Variants in SUGCT observed in about 807,000 individuals in gnomAD.
SUGCT encodes succinyl-CoA:glutarate CoA-transferase.
SUGCT carries 41 observed loss-of-function variants against 55.0 expected under a neutral mutation model. The observed-to-expected ratio is 0.74, with a 90% confidence interval of 0.58 to 0.97. The LOEUF (loss-of-function observed/expected upper bound fraction) is 0.97, where lower values mean the gene tolerates loss of function less well. Ranked by LOEUF, SUGCT falls within the 50% of genes least tolerant of loss-of-function variation. The pLI, the probability that SUGCT is intolerant of heterozygous loss-of-function variation, is 0.00. For missense variants in SUGCT, 568 were observed against 547.8 expected, an observed-to-expected ratio of 1.04 and a Z score of -0.37; for synonymous variants, 187 against 200.4, an observed-to-expected ratio of 0.93 and a Z score of 0.56.
At chr7:40,956,253 G>A in the SUGCT span, among the ~76,000 whole-genome samples, 1 of 152,088 alleles carries the variant, frequency 6.6e-6, no homozygotes, top group African/African-American at 2.4e-5. Context: ...AATTTGTCTG[G>A]TCTTTGGTTT....
intron 12 of SUGCT, among the ~76,000 whole-genome samples, chr7:40,559,797 T>C (rs546633364): frequency 1.3e-5 from 2 of 152,328 alleles, no homozygotes; most frequent in South Asian, 4.1e-4. Flanking sequence ...GAAAATGCAA[T>C]AGCAACAAAA....
intron 12 of SUGCT, among the ~76,000 whole-genome samples, chr7:40,588,012 CCTGCCTCA>C (rs972696301): frequency 6.6e-6 from 1 of 151,468 alleles, no homozygotes; most frequent in Non-Finnish European, 1.5e-5. Context: ...AGGCGATTCT[CCTGCCTCA>C]GCCTTCTGAG....
At chr7:40,434,574 A>C (rs1788071204) in intron 9 of SUGCT, among the ~76,000 whole-genome samples, 1 of 152,216 alleles carries the variant, frequency 6.6e-6, no homozygotes, top group Non-Finnish European at 1.5e-5. Context: ...GAAAAGAATT[A>C]GTCATATAGT....
At chr7:40,465,942 T>C (rs972913715) in intron 11 of SUGCT, among the ~76,000 whole-genome samples, 5 of 152,196 alleles carry the variant, frequency 3.3e-5, no homozygotes, top group African/African-American at 9.6e-5. Flanking sequence ...CGTGCGGTAG[T>C]GTGATCATGG....
chr7:40,422,335 G>A (rs1787353168), intron 9 of SUGCT, among the ~76,000 whole-genome samples: 1 of 152,042 alleles, frequency 6.6e-6, no homozygotes, highest in African/African-American at 2.4e-5. Context: ...GGCAATCACT[G>A]CTAAAAGTTA....
At chr7:40,210,246 C>A (rs1333814842) in intron 6 of SUGCT, among the ~76,000 whole-genome samples, 1 of 151,712 alleles carries the variant, frequency 6.6e-6, no homozygotes, top group African/African-American at 2.4e-5. Flanking sequence ...CAGAGTTTCA[C>A]CATATTGGCC....
rs1477984824 is a variant in SUGCT at position 40,316,771 on chromosome 7, G to A, written c.732G>A (p.Leu244=). The A allele has an allele frequency of 3.1e-6, 5 of 1,596,802 alleles. No homozygotes were observed. In the Admixed American group the frequency reaches 5.2e-5, roughly 17 times the overall value. Residue 244 remains leucine, a synonymous_variant, in exon 9 of 14, where the codon TTG becomes TTA. Coordinates refer to ENST00000335693, the MANE Select transcript of SUGCT (RefSeq NM_001193313.2). ...CNLLSSQVAC[L]SHIAANYLIG... ...TTTTTTCCTGGTAGGTGGCGTGTTT[G>A]TCTCACATAGCTGCAAATTATCTTA... is the stretch of plus-strand genomic sequence containing the variant.
At chr7:40,390,444 A>T (rs1325716615) in intron 9 of SUGCT, among the ~76,000 whole-genome samples, 1 of 152,232 alleles carries the variant, frequency 6.6e-6, no homozygotes, top group Non-Finnish European at 1.5e-5. Context: ...AAGTCTCAGG[A>T]TACAAAATCA....
the SUGCT span, among the ~76,000 whole-genome samples, chr7:40,980,370 C>T: frequency 6.6e-6 from 1 of 152,238 alleles, no homozygotes; most frequent in East Asian, 1.9e-4. Context: ...CCTTTTGCCC[C>T]CCCAAATTCA....
chr7:40,437,235 A>G (rs961692858), intron 9 of SUGCT, among the ~76,000 whole-genome samples: 1 of 152,194 alleles, frequency 6.6e-6, no homozygotes, highest in Non-Finnish European at 1.5e-5. Flanking sequence ...CTCCACACCC[A>G]GTATCAGAAA....
At chr7:40,186,048 A>G (rs1362016186) in intron 3 of SUGCT, among the ~76,000 whole-genome samples, 1 of 149,372 alleles carries the variant, frequency 6.7e-6, no homozygotes, top group Admixed American at 6.6e-5. Flanking sequence ...CCTCAATTAC[A>G]TAAAATTTGG....
rs980278101 is a variant in SUGCT, at chr7:40,512,370, G to A, written c.1089+15984G>A. 3.9e-5 allele frequency among the ~76,000 whole-genome samples: 6 copies of A among 152,168 alleles called. No homozygotes were observed. In the South Asian group the frequency reaches 8.3e-4, roughly 21 times the overall value. On this transcript the variant is annotated intron_variant, in intron 12 of 13. Transcript: ENST00000335693. The stretch of plus-strand genomic sequence containing the variant: ...AGAAGAAACACAAGTTTAAGATGGA[G>A]TTATGGATATCTGAATTTTTAAAAG...
the SUGCT span, among the ~76,000 whole-genome samples, chr7:40,869,025 C>T: frequency 6.6e-6 from 1 of 152,134 alleles, no homozygotes; most frequent in Non-Finnish European, 1.5e-5. Context: ...TTGATATAAT[C>T]CTATTAGCTA....
chr7:40,369,190 G>A (rs1179824931), intron 9 of SUGCT, among the ~76,000 whole-genome samples: 1 of 151,920 alleles, frequency 6.6e-6, no homozygotes, highest in Non-Finnish European at 1.5e-5. Flanking sequence ...AGTGAGATTA[G>A]CACTAGATGG....
the SUGCT span, among the ~76,000 whole-genome samples, chr7:40,949,854 G>A: frequency 6.6e-6 from 1 of 152,192 alleles, no homozygotes; most frequent in African/African-American, 2.4e-5. Flanking sequence ...TTTGGTTACT[G>A]TAGCCTTATG....
intron 12 of SUGCT, among the ~76,000 whole-genome samples, chr7:40,712,364 C>T (rs909548382): frequency 2.0e-5 from 3 of 152,158 alleles, no homozygotes; most frequent in Non-Finnish European, 4.4e-5. Flanking sequence ...CCAAATAAAG[C>T]ATATTGTGTT....
chr7:40,530,608 A>G (rs1469255225), intron 12 of SUGCT, among the ~76,000 whole-genome samples: 1 of 152,220 alleles, frequency 6.6e-6, no homozygotes, highest in African/African-American at 2.4e-5. Flanking sequence ...TGTGCTGACC[A>G]TATGTGAGAT....
chr7:40,699,616 C>G (rs893636833), intron 12 of SUGCT, among the ~76,000 whole-genome samples: 5 of 152,192 alleles, frequency 3.3e-5, no homozygotes, highest in African/African-American at 9.7e-5. Flanking sequence ...CGCCTGTAAT[C>G]CCAGCACTTT....
At chr7:40,898,775 T>G in the SUGCT span, among the ~76,000 whole-genome samples, 1 of 151,744 alleles carries the variant, frequency 6.6e-6, no homozygotes, top group African/African-American at 2.4e-5. Context: ...GCCTACCAAT[T>G]CTGGACACAA....
Sources: gnomAD v4.1 joint callset for allele counts (sites outside exome capture counted in the v4.1 genomes callset) on GRCh38, gnomAD v4.1.1 for gene constraint, MANE v1.5 for transcripts, NCBI Gene and HGNC (gene_info 2026-07-23, HGNC 2026-07-21) for gene names.